Variants in JMJD1C observed in about 807,000 individuals in gnomAD.
The protein encoded by JMJD1C is jumonji domain-containing protein 1C.
In JMJD1C, 31 loss-of-function variants were observed where a neutral mutation model predicts 245.3. The ratio of observed to expected loss-of-function variants is 0.13; its 90% CI spans 0.09 to 0.17. JMJD1C has a LOEUF of 0.17. Among genes scored for constraint, JMJD1C ranks in the 10% least tolerant of loss-of-function variants. The pLI is 1.00. For synonymous variants in JMJD1C, 1,057 were observed against 1,017.4 expected, an observed-to-expected ratio of 1.04 and a Z score of -0.74; for missense variants, 2,691 against 3,000.2, an observed-to-expected ratio of 0.90 and a Z score of 2.41.
At chr10:63,336,551 A>G (rs1942752950) in intron 2 of JMJD1C, among the ~76,000 whole-genome samples, 1 of 152,176 alleles carries the variant, frequency 6.6e-6, no homozygotes, top group Non-Finnish European at 1.5e-5. Context: ...ACGATCCCTA[A>G]AGCTATTTCC....
At chr10:63,382,950 T>C (rs1947325283) in intron 1 of JMJD1C, 2 of 429,678 alleles carry the variant, frequency 4.7e-6, no homozygotes, top group Middle Eastern at 3.4e-4. Flanking sequence ...TTACACTGTA[T>C]TAGTATATAA....
intron 2 of JMJD1C, among the ~76,000 whole-genome samples, chr10:63,324,893 A>T (rs1473568975): frequency 6.6e-6 from 1 of 152,220 alleles, no homozygotes; most frequent in South Asian, 2.1e-4. Context: ...GTTAAATTGT[A>T]AATTGCTGGA....
At chr10:63,379,338 T>C (rs1947028854) in intron 2 of JMJD1C, among the ~76,000 whole-genome samples, 1 of 152,274 alleles carries the variant, frequency 6.6e-6, no homozygotes, top group Non-Finnish European at 1.5e-5. Context: ...TATTGCAAAT[T>C]TGTTATATGC....
chr10:63,204,148 A>AT, intron 10 of JMJD1C: 2 of 982,292 alleles, frequency 2.0e-6, no homozygotes, highest in Non-Finnish European at 2.4e-6. Flanking sequence ...GAAAAAAAAA[A>AT]CTTTTCTAGG....
chr10:63,299,166 T>C lies in JMJD1C; in HGVS notation c.334-34402A>G, dbSNP rs1481057912. 3.9e-5 allele frequency among the ~76,000 whole-genome samples: 6 copies of C among 152,290 alleles called. 1 individual carries two copies. The South Asian group carries it at 6.2e-4, about 16-fold the overall frequency. ...AGAAATAAAGATATATGAAATATCC[T>C]TAAACATTATAACTGAATTTTTCTT... is the stretch of plus-strand genomic sequence containing the variant. On this transcript the variant is annotated intron_variant, in intron 2 of 25. Coordinates refer to ENST00000399262, the MANE Select transcript of JMJD1C (RefSeq NM_032776.3).
intron 2 of JMJD1C, among the ~76,000 whole-genome samples, chr10:63,277,252 G>A (rs1315174701): frequency 6.8e-6 from 1 of 147,662 alleles, no homozygotes; most frequent in East Asian, 2.0e-4. Flanking sequence ...GTGTAGCCTC[G>A]CCTCCCCGAG....
chr10:63,250,946 T>C (rs1291541392), intron 3 of JMJD1C, among the ~76,000 whole-genome samples: 1 of 152,136 alleles, frequency 6.6e-6, no homozygotes, highest in Non-Finnish European at 1.5e-5. Flanking sequence ...TCTCGTTATG[T>C]TGCCCAGGCT....
chr10:63,465,398 C>T (rs375149269), intron 1 of JMJD1C, 97 bp downstream of exon 1: 4 of 1,275,042 alleles, frequency 3.1e-6, no homozygotes, highest in Non-Finnish European at 4.2e-6. Context: ...GCCAGTTGGC[C>T]GGGCTGAGCG....
rs375031134 is a variant in JMJD1C at position 63,168,078 on chromosome 10, G to A, written c.7590C>T (p.His2530=). The A allele has an allele frequency of 6.9e-5, 110 of 1,603,794 alleles. No homozygotes were observed. The highest frequency in any genetic ancestry group is 1.6e-4 in the Middle Eastern group (1 of 6,066). The change falls in exon 26 of 26, where the codon CAC becomes CAT. Residue 2530 remains histidine (H), a synonymous_variant. Transcript: ENST00000399262. ...VKEMVRALKI[H]EDEVEDMEEN ...CTTCCATATCCTCTACTTCATCCTC[G>A]TGTATCTTCAAGGCTCTCACCATTT...
chr10:63,282,440 A>G (rs7909382), intron 2 of JMJD1C, among the ~76,000 whole-genome samples: 3,782 of 152,310 alleles, frequency 0.025, 159 homozygotes, highest in African/African-American at 0.085. Flanking sequence ...ACTTATGCCG[A>G]TATTTTGACA....
chr10:63,283,845 A>G (rs1216017255), intron 2 of JMJD1C, among the ~76,000 whole-genome samples: 1 of 149,396 alleles, frequency 6.7e-6, no homozygotes, highest in Admixed American at 6.6e-5. Context: ...TGTAAAAAAC[A>G]AAAAAAAACC....
intron 2 of JMJD1C, among the ~76,000 whole-genome samples, chr10:63,267,775 A>T (rs1855774378): frequency 6.6e-6 from 1 of 152,148 alleles, no homozygotes; most frequent in Non-Finnish European, 1.5e-5. Context: ...ATCAGTGTTA[A>T]ACATACTTTT....
At chr10:63,194,897 T>C (rs1181209206) in intron 13 of JMJD1C, among the ~76,000 whole-genome samples, 1 of 152,172 alleles carries the variant, frequency 6.6e-6, no homozygotes. Flanking sequence ...ATCCCTGAAG[T>C]TGTAAAGAAT....
chr10:63,344,854 T>A (rs775113922), intron 2 of JMJD1C, among the ~76,000 whole-genome samples: 1 of 151,878 alleles, frequency 6.6e-6, no homozygotes, highest in Non-Finnish European at 1.5e-5. Context: ...CTATAAAAAA[T>A]AAAAGTCAAC....
At chr10:63,303,742 T>C (rs1217603171) in intron 2 of JMJD1C, among the ~76,000 whole-genome samples, 10 of 152,232 alleles carry the variant, frequency 6.6e-5, no homozygotes, top group East Asian at 1.9e-4. Flanking sequence ...CTAAGATCAA[T>C]AGCATACAAA....
Position 63,465,649 on chromosome 10 carries a change from G to A in JMJD1C, c.14C>T (p.Thr5Met), listed in dbSNP as rs781548095. 9 of 1,609,172 alleles carry A rather than the reference G, an allele frequency of 5.6e-6. No individual in the cohort carries two copies. The Admixed American group carries it at 6.7e-5, about 12-fold the overall frequency. The part of the protein sequence containing the change: MAVE[T>M]RAELVGKRFL... ...CCGCTTACCCACCAGCTCTGCCCGC[G>A]TCTCTACCGCCATAGCTGTCGCTGC... Residue 5 changes from threonine (T) to methionine (M), a missense_variant, in exon 1 of 26, where the codon ACG (threonine) becomes ATG (methionine). By Grantham distance (81) the Thr-to-Met change is moderately conservative (BLOSUM62 -1). Coordinates refer to ENST00000399262, the MANE Select transcript of JMJD1C (RefSeq NM_032776.3).
intron 3 of JMJD1C, among the ~76,000 whole-genome samples, chr10:63,259,232 G>A (rs1176846340): frequency 1.3e-5 from 2 of 152,114 alleles, no homozygotes; most frequent in Non-Finnish European, 2.9e-5. Flanking sequence ...CTTTGTCAGT[G>A]GACCACTTAT....
At chr10:63,407,677 G>GA (rs1949247004) in intron 1 of JMJD1C, among the ~76,000 whole-genome samples, 1 of 150,450 alleles carries the variant, frequency 6.6e-6, no homozygotes, top group Non-Finnish European at 1.5e-5. Flanking sequence ...TATACATAGG[G>GA]AAAAATGACA....
At chr10:63,238,190 A>G (rs866772195) in intron 3 of JMJD1C, among the ~76,000 whole-genome samples, 2 of 19,716 alleles carry the variant, frequency 1.0e-4, no homozygotes, top group Non-Finnish European at 3.2e-4. Flanking sequence ...CAAAAAAAAA[A>G]AAAAAGAAAA....
Sources: gnomAD v4.1 joint callset for allele counts (sites outside exome capture counted in the v4.1 genomes callset) on GRCh38, gnomAD v4.1.1 for gene constraint, MANE v1.5 for transcripts, NCBI Gene and HGNC (gene_info 2026-07-23, HGNC 2026-07-21) for gene names.